DCUN1D2: variants seen among roughly 807,000 people sequenced by gnomAD.
The protein encoded by DCUN1D2 is DCN1-like protein 2.
DCUN1D2 carries 29 observed loss-of-function variants against 30.9 expected under a neutral mutation model. The observed-to-expected ratio is 0.94, with a 90% CI of 0.70 to 1.28. DCUN1D2 has a LOEUF of 1.28. Ranked by LOEUF, DCUN1D2 falls within the 50% of genes most tolerant of loss-of-function variation. The pLI is 0.00. For synonymous variants in DCUN1D2, 121 were observed against 115.3 expected (o/e 1.05, Z -0.32); for missense variants, 325 against 316.9 (o/e 1.03, Z -0.19).
chr13:113,482,016 C>G (rs1258561907), intron 2 of DCUN1D2, among the ~76,000 whole-genome samples: 1 of 152,192 alleles, frequency 6.6e-6, no homozygotes, highest in Non-Finnish European at 1.5e-5. Context: ...TCACCTTATT[C>G]AATTCCATCT....
upstream of DCUN1D2, chr13:113,490,857 C>G (rs2044969296): frequency 2.9e-6 from 1 of 347,644 alleles, no homozygotes; most frequent in Non-Finnish European, 4.5e-6. The surrounding 1 kb of genome is among the most constrained non-coding windows in gnomAD (Gnocchi z 5.2). Flanking sequence ...CCCCACAGCC[C>G]CTGCGCGTCC....
Sources: gnomAD v4.1 joint callset for allele counts (sites outside exome capture counted in the v4.1 genomes callset) on GRCh38, gnomAD v4.1.1 for gene constraint, Gnocchi (gnomAD v3.1) non-coding constraint, MANE v1.5 for transcripts, NCBI Gene and HGNC (gene_info 2026-07-23, HGNC 2026-07-21) for gene names.